BLOC1S6: variants seen among roughly 807,000 people sequenced by gnomAD.
BLOC1S6 encodes the protein biogenesis of lysosomal organelles complex 1 subunit 6, also known as biogenesis of lysosome-related organelles complex 1 subunit 6.
In BLOC1S6, 24 loss-of-function variants were observed where a neutral mutation model predicts 24.7. That is an observed-to-expected ratio of 0.97 (90% CI 0.70 to 1.37). The LOEUF (loss-of-function observed/expected upper bound fraction) is 1.37. Among genes scored for constraint, BLOC1S6 ranks in the 40% most tolerant of loss-of-function variants. BLOC1S6 has a pLI of 0.00. For synonymous variants in BLOC1S6, 76 were observed against 72.6 expected (o/e 1.05, Z -0.23); for missense variants, 175 against 196.2 (o/e 0.89, Z 0.64).
chr15:45,590,408 CTTTT>C (rs34886686), intron 1 of BLOC1S6, among the ~76,000 whole-genome samples: 1 of 136,142 alleles, frequency 7.3e-6, no homozygotes. Context: ...TTTCCTCAAT[CTTTT>C]TTTTTTTTTT....
chr15:45,605,308 G>T (rs1894409110), intron 3 of BLOC1S6, 120 bp from the exon 4 acceptor site: 1 of 705,374 alleles, frequency 1.4e-6, no homozygotes, highest in Non-Finnish European at 2.5e-6. Flanking sequence ...TGAAGATAAG[G>T]CTGTAAAAAT....
intron 1 of BLOC1S6, among the ~76,000 whole-genome samples, chr15:45,590,347 A>G (rs1324092712): frequency 6.6e-6 from 1 of 151,544 alleles, no homozygotes; most frequent in East Asian, 1.9e-4. Flanking sequence ...AAAATTATAT[A>G]ATTTTATTTT....
Position 45,607,484 on chromosome 15 carries a change from T to A in BLOC1S6, c.*970T>A, listed in dbSNP as rs535393660. The A allele has an allele frequency of 1.3e-5, 2 of 152,158 alleles. No homozygotes were observed. Among genetic ancestry groups the A allele is most frequent in the Non-Finnish European group, 2.9e-5 (2 of 68,042 alleles). 9.4% of individuals were successfully genotyped at this position (152,158 alleles called of 1,614,324 possible). On this transcript the variant is annotated 3_prime_UTR_variant, in exon 5 of 5. Transcript: ENST00000220531. ...TAGTTTCTGTGCTTGTAAAAAATTC[T>A]TGAAGTGAGGCCGGGTGCGGTGGCT...
intron 2 of BLOC1S6, among the ~76,000 whole-genome samples, chr15:45,594,684 A>G (rs1894001993): frequency 6.6e-6 from 1 of 152,054 alleles, no homozygotes; most frequent in South Asian, 2.1e-4. Flanking sequence ...CCTGGGTTCA[A>G]GAGATTCTCC....
At chr15:45,591,972 T>A in intron 1 of BLOC1S6, 163 bp from the exon 2 acceptor site, 1 of 768,936 alleles carries the variant, frequency 1.3e-6, no homozygotes. Context: ...CTGTGTCAAT[T>A]TGAAAGGTTC....
At position 45,606,915 on chromosome 15, in the gene BLOC1S6, T is replaced by G. The variant is rs1016370010; in HGVS notation, c.*401T>G. On this transcript the variant is annotated 3_prime_UTR_variant, in exon 5 of 5. Coordinates refer to ENST00000220531, the MANE Select transcript of BLOC1S6 (RefSeq NM_012388.4). The stretch of plus-strand genomic sequence containing the variant: ...GCCTTTCTGGTAATACAATGCTGAT[T>G]TTTTAGTAATTGCCTTTTCATTACT... 1 of 192,108 alleles carries G rather than the reference T, an allele frequency of 5.2e-6. No homozygotes were observed. The highest frequency in any genetic ancestry group is 1.1e-5 in the Non-Finnish European group (1 of 93,450). The allele number at this position is 192,108 out of a possible 1,614,324, so 11.9% of individuals were successfully genotyped here. A position where few individuals can be genotyped will look rare whatever the true frequency, so the allele number is the denominator to read the frequency against.
At chr15:45,587,231 G>A, upstream of BLOC1S6, 1 of 619,590 alleles carries the variant, frequency 1.6e-6, no homozygotes, top group Non-Finnish European at 2.9e-6. Flanking sequence ...ACTGCGTCCG[G>A]GGCCAGACGA....
rs1317285695 is a variant in BLOC1S6, at chr15:45,602,624, TC to T, written c.225-474del. Among the ~76,000 whole-genome samples, 6 of 152,336 alleles carry T rather than the reference TC, an allele frequency of 3.9e-5. No homozygotes were observed. The East Asian group carries it at 1.2e-3, about 29-fold the overall frequency. On this transcript the variant is annotated intron_variant, in intron 2 of 4. Transcript: ENST00000220531. Reference sequence around the variant, plus strand: ...GGCCGGGGAAAGCTATGATTTCCAGTCCTGTGCTTTTTTCATCTTACTGCTT... The same window carrying T: ...GGCCGGGGAAAGCTATGATTTCCAGTCTGTGCTTTTTTCATCTTACTGCTT...
In BLOC1S6 at chr15:45,605,420, A is replaced by G; in HGVS notation, c.313-8A>G. 6.3e-7 allele frequency: 1 copy of G among 1,596,904 alleles called. No homozygotes were observed. The highest frequency in any genetic ancestry group is 8.6e-7 in the Non-Finnish European group (1 of 1,165,354). On this transcript the variant is annotated splice_polypyrimidine_tract_variant and splice_region_variant and intron_variant, in intron 3 of 4. Transcript: ENST00000220531. ...AACTTGACTTTTCATTTATTTTTCC[A>G]TGTTAAGTTTGCTGAGGCTAAACAC...
chr15:45,606,631 T>G lies in BLOC1S6; in HGVS notation c.*117T>G, dbSNP rs1045829199. 3 of 1,442,138 alleles carry G rather than the reference T, an allele frequency of 2.1e-6. No individual in the cohort carries two copies. The highest frequency in any genetic ancestry group is 2.8e-5 in the African/African-American group (2 of 71,666). 89.3% of individuals were successfully genotyped at this position (1,442,138 alleles called of 1,614,324 possible). On this transcript the variant is annotated 3_prime_UTR_variant, in exon 5 of 5. Coordinates refer to ENST00000220531, the MANE Select transcript of BLOC1S6 (RefSeq NM_012388.4). ...TTATGTCATATGTTGAAATCCTTAT[T>G]CCGGTATTACTGTGTCTCCATGCCT...
At chr15:45,605,906 C>CT in intron 4 of BLOC1S6, 1 of 266,398 alleles carries the variant, frequency 3.8e-6, no homozygotes, top group South Asian at 4.3e-5. Flanking sequence ...CATATTTTGA[C>CT]TTTTATACCC....
intron 2 of BLOC1S6, chr15:45,602,276 CGTT>C: frequency 1.6e-6 from 1 of 612,432 alleles, no homozygotes; most frequent in South Asian, 1.9e-5. Context: ...TGAGCCTGTT[CGTT>C]GTTATTTCTT....
At chr15:45,604,296 A>G (rs1894372708) in intron 3 of BLOC1S6, among the ~76,000 whole-genome samples, 1 of 152,176 alleles carries the variant, frequency 6.6e-6, no homozygotes, top group South Asian at 2.1e-4. Context: ...ATGGTTTACT[A>G]ATGTTTTCCA....
At chr15:45,595,378 T>A (rs960075963) in intron 2 of BLOC1S6, among the ~76,000 whole-genome samples, 1 of 152,168 alleles carries the variant, frequency 6.6e-6, no homozygotes, top group African/African-American at 2.4e-5. Context: ...ATTCCAAGGA[T>A]TTTAGAAGCT....
At chr15:45,587,264 C>A (rs1248669632), upstream of BLOC1S6, 40 of 666,844 alleles carry the variant, frequency 6.0e-5, no homozygotes, top group Non-Finnish European at 2.7e-5. Context: ...GGGGTCCCCA[C>A]AACGCCATGG....
At chr15:45,605,776 G>C (rs1235986699) in intron 4 of BLOC1S6, 5 of 385,714 alleles carry the variant, frequency 1.3e-5, no homozygotes, top group Admixed American at 1.2e-4. Context: ...TTTTAGTAGA[G>C]ACAGCGTTCT....
In BLOC1S6 at chr15:45,603,098, A is replaced by G; in HGVS notation, c.225-2A>G. ...TGTCTTGGCTGTGTGTTTTTGTTTC[A>G]GACAGAACCAAGTTGTATTGTTAGA... is the stretch of plus-strand genomic sequence containing the variant. On this transcript the variant is annotated splice_acceptor_variant, in intron 2 of 4. Coordinates refer to ENST00000220531, the MANE Select transcript of BLOC1S6 (RefSeq NM_012388.4). LOFTEE classifies it high-confidence loss of function. 6.2e-7 allele frequency: 1 copy of G among 1,605,662 alleles called. No homozygotes were observed. The highest frequency in any genetic ancestry group is 8.5e-7 in the Non-Finnish European group (1 of 1,172,902).
chr15:45,600,144 A>T (rs894272446), intron 2 of BLOC1S6, among the ~76,000 whole-genome samples: 34 of 129,008 alleles, frequency 2.6e-4, no homozygotes, highest in African/African-American at 9.9e-4. Context: ...GATCACATGG[A>T]CACAGGAAGG....
At chr15:45,602,162 C>A (rs1207262665) in intron 2 of BLOC1S6, among the ~76,000 whole-genome samples, 1 of 152,040 alleles carries the variant, frequency 6.6e-6, no homozygotes, top group African/African-American at 2.4e-5. Flanking sequence ...TCTCAAAGTG[C>A]TGGGATTATA....
Sources: gnomAD v4.1 joint callset for allele counts (sites outside exome capture counted in the v4.1 genomes callset) on GRCh38, gnomAD v4.1.1 for gene constraint, MANE v1.5 for transcripts, NCBI Gene and HGNC (gene_info 2026-07-23, HGNC 2026-07-21) for gene names.